Variants in COP1 observed in about 807,000 individuals in gnomAD.
COP1 encodes COP1 E3 ubiquitin ligase.
Under a neutral mutation model 101.3 loss-of-function variants are expected in COP1, and 24 were observed. That is an observed-to-expected ratio of 0.24 (90% confidence interval 0.17 to 0.33). COP1 has a LOEUF of 0.33. COP1 is among the 10% of genes least tolerant of loss of function. The probability of loss-of-function intolerance (pLI) is 1.00; values close to 1 mark genes in which losing one functional copy is unlikely to be tolerated. For synonymous variants in COP1, 347 were observed against 341.9 expected, an observed-to-expected ratio of 1.01 and a Z score of -0.17; for missense variants, 663 against 906.2, an observed-to-expected ratio of 0.73 and a Z score of 3.45.
chr1:176,179,427 CTGT>C (rs2101972205), intron 2 of COP1, among the ~76,000 whole-genome samples: 1 of 152,256 alleles, frequency 6.6e-6, no homozygotes, highest in African/African-American at 2.4e-5. Flanking sequence ...ACAAGCTAGG[CTGT>C]TAAGTCAGAG....
chr1:175,968,080 G>T (rs1227299841), intron 18 of COP1, among the ~76,000 whole-genome samples: 7 of 152,072 alleles, frequency 4.6e-5, no homozygotes, highest in Admixed American at 1.3e-4. Context: ...GTTGGTGCCA[G>T]GCTGGTCTTG....
chr1:176,074,858 A>C (rs965832733), intron 11 of COP1, among the ~76,000 whole-genome samples: 3 of 151,952 alleles, frequency 2.0e-5, no homozygotes, highest in African/African-American at 7.2e-5. Flanking sequence ...CATACATATC[A>C]GGTCAATATT....
intron 15 of COP1, among the ~76,000 whole-genome samples, chr1:175,993,375 CG>C (rs1303201873): frequency 1.3e-5 from 2 of 152,160 alleles, no homozygotes; most frequent in Non-Finnish European, 2.9e-5. Context: ...TCACCAGCAA[CG>C]GAACAAAGCT....
At chr1:176,093,115 A>G (rs1014147028) in intron 9 of COP1, among the ~76,000 whole-genome samples, 11 of 152,320 alleles carry the variant, frequency 7.2e-5, no homozygotes, top group African/African-American at 2.4e-4. Flanking sequence ...CAAATAATAT[A>G]GGGGTGTGTA....
rs1185678133 is a variant in COP1, at chr1:176,206,952, C to G, written c.27G>C (p.Ser9=). 59 of 1,441,870 alleles carry G rather than the reference C, an allele frequency of 4.1e-5. No homozygotes were observed. Among genetic ancestry groups the G allele is most frequent in the Non-Finnish European group, 5.3e-5 (58 of 1,101,696 alleles). The allele number at this position is 1,441,870 out of a possible 1,614,324, so 89.3% of individuals were successfully genotyped here. MSGSRQAG[S]GSAGTSPGSS... ...ACCCGGGGCTTGTCCCAGCGGAGCC[C>G]GACCCGGCCTGGCGGCTACCAGACA... Residue 9 remains serine (S), a synonymous_variant, in exon 1 of 20, where the codon TCG becomes TCC. Coordinates refer to ENST00000367669, the MANE Select transcript of COP1 (RefSeq NM_022457.7).
chr1:175,948,003 T>C (rs1343885775), intron 18 of COP1, among the ~76,000 whole-genome samples: 1 of 152,204 alleles, frequency 6.6e-6, no homozygotes, highest in Admixed American at 6.5e-5. Context: ...GGACATTTGG[T>C]ATTAGGAAAA....
chr1:176,181,118 G>C (rs752627968), intron 2 of COP1, among the ~76,000 whole-genome samples: 2 of 152,128 alleles, frequency 1.3e-5, no homozygotes, highest in African/African-American at 4.8e-5. Context: ...ACAGATACAG[G>C]TAACAGTGGG....
intron 15 of COP1, among the ~76,000 whole-genome samples, chr1:175,991,758 C>G (rs894721280): frequency 2.6e-5 from 4 of 151,776 alleles, no homozygotes; most frequent in African/African-American, 7.3e-5. Context: ...AACTAAGAAA[C>G]AGAAAGTTAG....
intron 15 of COP1, 97 bp downstream of exon 15, chr1:176,027,475 A>C: frequency 1.3e-6 from 1 of 766,196 alleles, no homozygotes; most frequent in Non-Finnish European, 2.3e-6. Flanking sequence ...ACAACATTTA[A>C]ACCTACAAAA....
chr1:176,118,014 T>C (rs1197259462), intron 8 of COP1, among the ~76,000 whole-genome samples: 1 of 152,224 alleles, frequency 6.6e-6, no homozygotes, highest in Non-Finnish European at 1.5e-5. Context: ...ACATACAAAA[T>C]GATTAATTAC....
At chr1:176,151,407 AAGAAAGAAAG>A (rs1424470349) in intron 5 of COP1, among the ~76,000 whole-genome samples, 86 of 136,414 alleles carry the variant, frequency 6.3e-4, no homozygotes, top group African/African-American at 2.1e-3. Context: ...GAAAGAAAGA[AAGAAAGAAAG>A]AAACATATTT....
At chr1:176,169,361 A>G (rs1695686122) in intron 3 of COP1, among the ~76,000 whole-genome samples, 1 of 152,208 alleles carries the variant, frequency 6.6e-6, no homozygotes, top group Admixed American at 6.5e-5. Context: ...TACTAATTAA[A>G]TAACAACATA....
chr1:176,152,294 G>A (rs1212144380), intron 5 of COP1, among the ~76,000 whole-genome samples: 1 of 152,012 alleles, frequency 6.6e-6, no homozygotes, highest in Admixed American at 6.6e-5. Flanking sequence ...AATAGAGAGT[G>A]TGTGCAGTAA....
intron 6 of COP1, among the ~76,000 whole-genome samples, chr1:176,141,589 A>G (rs1690691755): frequency 6.6e-6 from 1 of 152,218 alleles, no homozygotes; most frequent in African/African-American, 2.4e-5. Context: ...GCATTTAGCC[A>G]TATGAAGTGC....
intron 6 of COP1, among the ~76,000 whole-genome samples, chr1:176,148,669 T>G (rs17351933): frequency 0.11 from 16,550 of 152,122 alleles, 992 homozygotes; most frequent in Middle Eastern, 0.16. Context: ...ATATCCTACC[T>G]AAGGCTTTAT....
intron 15 of COP1, among the ~76,000 whole-genome samples, chr1:176,002,770 G>A (rs1330260546): frequency 7.4e-5 from 11 of 148,988 alleles, no homozygotes; most frequent in Non-Finnish European, 1.5e-4. Context: ...TGGACATTTG[G>A]GTTGGTTCCA....
At chr1:176,142,743 C>A (rs1323490460) in intron 6 of COP1, among the ~76,000 whole-genome samples, 1 of 151,166 alleles carries the variant, frequency 6.6e-6, no homozygotes, top group African/African-American at 2.4e-5. Context: ...TCTCAATGTT[C>A]AAGTAATAAG....
At chr1:175,988,780 C>T (rs573576218) in intron 16 of COP1, 218 of 169,634 alleles carry the variant, frequency 1.3e-3, no homozygotes, top group African/African-American at 4.8e-3. Flanking sequence ...CTGCAGTGAG[C>T]GGAGATCACA....
intron 15 of COP1, among the ~76,000 whole-genome samples, chr1:176,009,090 A>G (rs1370466474): frequency 6.6e-6 from 1 of 152,172 alleles, no homozygotes; most frequent in East Asian, 1.9e-4. Context: ...TGTGCATAGC[A>G]TTCTACAGCT....
Sources: gnomAD v4.1 joint callset for allele counts (sites outside exome capture counted in the v4.1 genomes callset) on GRCh38, gnomAD v4.1.1 for gene constraint, MANE v1.5 for transcripts, NCBI Gene and HGNC (gene_info 2026-07-23, HGNC 2026-07-21) for gene names.